Variants in BRWD1 observed in about 807,000 individuals in gnomAD.
BRWD1 encodes the protein bromodomain and WD repeat-containing protein 1.
BRWD1 carries 82 observed loss-of-function variants against 251.2 expected under a neutral mutation model. The observed-to-expected ratio is 0.33, with a 90% CI of 0.27 to 0.39. The LOEUF (loss-of-function observed/expected upper bound fraction) is 0.39, where lower values mean the gene tolerates loss of function less well. BRWD1 is among the 10% of genes least tolerant of loss of function. The pLI is 1.00. For missense variants in BRWD1, 2,233 were observed against 2,711.6 expected (o/e 0.82, Z 3.92); for synonymous variants, 918 against 902.8 (o/e 1.02, Z -0.30).
rs933162926 is a variant in BRWD1, at chr21:39,312,790, GC to G, written c.198+50del. On this transcript the variant is annotated intron_variant, in intron 4 of 40. Coordinates refer to ENST00000342449, the MANE Select transcript of BRWD1 (RefSeq NM_033656.4). ...GTCCCCGCGAGGGGAAGGGGCGGGGGCGGGGGGCGGTGCACGGAAAACCCGG... is the reference window on the plus strand; with the variant it reads ...GTCCCCGCGAGGGGAAGGGGCGGGGGGGGGGGCGGTGCACGGAAAACCCGG... 4.7e-6 allele frequency: 7 copies of G among 1,478,846 alleles called. No individual in the cohort carries two copies. In the South Asian group the frequency reaches 4.8e-5, roughly 10 times the overall value. 91.6% of individuals were successfully genotyped at this position (1,478,846 alleles called of 1,614,324 possible). A position where few individuals can be genotyped will look rare whatever the true frequency, so the allele number is the denominator to read the frequency against.
intron 36 of BRWD1, among the ~76,000 whole-genome samples, chr21:39,208,599 C>T (rs1379951579): frequency 6.6e-6 from 1 of 152,152 alleles, no homozygotes; most frequent in Non-Finnish European, 1.5e-5. Context: ...GTTGCCCAGG[C>T]TAGAGTGCAG....
intron 8 of BRWD1, among the ~76,000 whole-genome samples, chr21:39,282,276 T>G (rs1040763529): frequency 6.6e-6 from 1 of 151,486 alleles, no homozygotes; most frequent in Non-Finnish European, 1.5e-5. Context: ...TCAAGAAACA[T>G]TCAAGACAAA....
chr21:39,254,779 T>C (rs543615532), intron 19 of BRWD1, among the ~76,000 whole-genome samples: 13 of 152,360 alleles, frequency 8.5e-5, no homozygotes, highest in African/African-American at 3.1e-4. Context: ...ATCTACACAT[T>C]AAGCACTGAT....
intron 19 of BRWD1, among the ~76,000 whole-genome samples, chr21:39,251,762 G>A (rs1269786084): frequency 6.6e-6 from 1 of 152,126 alleles, no homozygotes; most frequent in Non-Finnish European, 1.5e-5. Context: ...ACCATATAAC[G>A]AGATTTTCAG....
chr21:39,314,094 C>CATTTCACGGACT (rs1568989596), upstream of BRWD1: 12 of 455,700 alleles, frequency 2.6e-5, no homozygotes, highest in Non-Finnish European at 5.3e-5. Context: ...TTTCACGGAC[C>CATTTCACGGACT]GGTCGTCTGG....
In BRWD1 at chr21:39,229,421, T is replaced by C; in HGVS notation, c.3016A>G (p.Lys1006Glu). ...ACTTCATATCGTATTCCAACTATTT[T>C]AACCAATTCTTGATCCTTTAACAGA... The part of the protein sequence containing the change: ...KMDLRDQELV[K>E]IVGIRYEVGP... Residue 1006 changes from lysine (K) to glutamate (E), a missense_variant, in exon 26 of 41, where the codon AAA (lysine) becomes GAA (glutamate). By Grantham distance (56) the Lys-to-Glu change is moderately conservative (BLOSUM62 1). Coordinates refer to ENST00000342449, the MANE Select transcript of BRWD1 (RefSeq NM_033656.4). 2 of 1,608,774 alleles carry C rather than the reference T, an allele frequency of 1.2e-6. No homozygotes were observed. Among genetic ancestry groups the C allele is most frequent in the Non-Finnish European group, 1.7e-6 (2 of 1,175,722 alleles).
In BRWD1 at chr21:39,232,503, C is replaced by G. The variant is rs2836950; in HGVS notation, c.2767-5G>C. 566,899 of 1,582,696 alleles carry G rather than the reference C, an allele frequency of 0.36. 104,278 individuals carry two copies. Among genetic ancestry groups the G allele is most frequent in the Admixed American group, 0.45 (22,167 of 48,770 alleles). Reference sequence around the variant, plus strand: ...TGGAGTCATCCTCCGCAAATTCTACCAAGGGGAAGAGAACAAAGTTTCTTA... The same window carrying G: ...TGGAGTCATCCTCCGCAAATTCTACGAAGGGGAAGAGAACAAAGTTTCTTA... On this transcript the variant is annotated splice_polypyrimidine_tract_variant and splice_region_variant and intron_variant, in intron 23 of 40. Transcript: ENST00000342449.
At chr21:39,260,263 C>A (rs781342720) in intron 17 of BRWD1, among the ~76,000 whole-genome samples, 1 of 151,272 alleles carries the variant, frequency 6.6e-6, no homozygotes, top group Non-Finnish European at 1.5e-5. Flanking sequence ...GATTTCTAAT[C>A]GGCATAAGCC....
At chr21:39,224,996 G>C in intron 28 of BRWD1, 90 bp downstream of exon 28, 5 of 1,012,156 alleles carry the variant, frequency 4.9e-6, no homozygotes, top group Non-Finnish European at 3.0e-6. Context: ...TAAAAACCAT[G>C]TTTTTTTAAA....
chr21:39,190,819 A>AC lies in BRWD1; in HGVS notation c.*5439dup. The AC allele has an allele frequency of 1.0e-6, 1 of 985,332 alleles. No homozygotes were observed. Among genetic ancestry groups the AC allele is most frequent in the South Asian group, 4.7e-5 (1 of 21,286 alleles). 61.0% of individuals were successfully genotyped at this position (985,332 alleles called of 1,614,324 possible). On this transcript the variant is annotated 3_prime_UTR_variant, in exon 41 of 41. Transcript: ENST00000342449. ...CAGTATGGCAGCATCAGGTCAAAAG[A>AC]CCATCAGAAATAATTCCATGAACTA...
intron 29 of BRWD1, chr21:39,219,430 AAAG>A (rs2033084519): frequency 1.3e-5 from 2 of 152,434 alleles, no homozygotes; most frequent in South Asian, 2.1e-4. Context: ...AAAAAAAAAA[AAAG>A]GAGAAAATCT....
chr21:39,237,344 A>T (rs574372614), intron 22 of BRWD1, among the ~76,000 whole-genome samples: 1 of 152,256 alleles, frequency 6.6e-6, no homozygotes, highest in South Asian at 2.1e-4. Context: ...TCCTTAGCAA[A>T]ATCAGAGTCA....
chr21:39,316,861 C>CGG (rs144266291), upstream of BRWD1, among the ~76,000 whole-genome samples: 6,392 of 151,874 alleles, frequency 0.042, 134 homozygotes, highest in Middle Eastern at 0.092. Flanking sequence ...TGGCTAGAGC[C>CGG]GGGGGGGATT....
chr21:39,312,501 C>T (rs2272577), intron 4 of BRWD1: 199,700 of 217,832 alleles, frequency 0.92, 92,239 homozygotes, highest in African/African-American at 0.96. Flanking sequence ...CGCGGTGGAG[C>T]GGGGAAGCGA....
Position 39,275,855 on chromosome 21 carries a change from G to A in BRWD1, c.1145+318C>T, listed in dbSNP as rs112365840. On this transcript the variant is annotated intron_variant, in intron 12 of 40. Coordinates refer to ENST00000342449, the MANE Select transcript of BRWD1 (RefSeq NM_033656.4). ...CGAGACCAGACTGACCAACATGGAGGAACCCCGTCTCTACTAAAAATACAA... is the reference window on the plus strand; with the variant it reads ...CGAGACCAGACTGACCAACATGGAGAAACCCCGTCTCTACTAAAAATACAA... Among the ~76,000 whole-genome samples the A allele has an allele frequency of 2.9e-3, 435 of 151,920 alleles. 2 individuals are homozygous for A. Among genetic ancestry groups the A allele is most frequent in the African/African-American group, 9.9e-3 (412 of 41,446 alleles).
chr21:39,218,913 C>T (rs2033061242), intron 29 of BRWD1, among the ~76,000 whole-genome samples: 1 of 152,076 alleles, frequency 6.6e-6, no homozygotes, highest in Admixed American at 6.6e-5. Flanking sequence ...AGTTTTCAGT[C>T]TATTTCTTCA....
chr21:39,187,545 A>C lies in BRWD1; in HGVS notation c.*8714T>G, dbSNP rs1285657670. 2 of 1,397,694 alleles carry C rather than the reference A, an allele frequency of 1.4e-6. No individual in the cohort carries two copies. Among genetic ancestry groups the C allele is most frequent in the African/African-American group, 2.9e-5 (2 of 68,312 alleles). The allele number at this position is 1,397,694 out of a possible 1,614,324, so 86.6% of individuals were successfully genotyped here. A position where few individuals can be genotyped will look rare whatever the true frequency, so the allele number is the denominator to read the frequency against. ...TAAAAGTCATATTGCTAAATGATAA[A>C]TTTTAAAATGTGATACTAAGGGCTT... On this transcript the variant is annotated 3_prime_UTR_variant, in exon 41 of 41. Coordinates refer to ENST00000342449, the MANE Select transcript of BRWD1 (RefSeq NM_033656.4).
chr21:39,234,382 A>C (rs190333296), intron 23 of BRWD1, among the ~76,000 whole-genome samples: 1 of 152,186 alleles, frequency 6.6e-6, no homozygotes, highest in Admixed American at 6.5e-5. Flanking sequence ...ATTATTAAGA[A>C]GGCATGGAAA....
At chr21:39,281,010 C>A (rs902856109) in intron 8 of BRWD1, among the ~76,000 whole-genome samples, 1 of 152,040 alleles carries the variant, frequency 6.6e-6, no homozygotes, top group African/African-American at 2.4e-5. Flanking sequence ...TAGGAAAATG[C>A]AAGGAAAACA....
Sources: gnomAD v4.1 joint callset for allele counts (sites outside exome capture counted in the v4.1 genomes callset) on GRCh38, gnomAD v4.1.1 for gene constraint, MANE v1.5 for transcripts, NCBI Gene and HGNC (gene_info 2026-07-23, HGNC 2026-07-21) for gene names.